The following NTSR1 variants were observed in gnomAD, a reference collection of about 807,000 sequenced individuals.
NTSR1 encodes neurotensin receptor 1, also known as neurotensin receptor type 1.
A neutral mutation model predicts 31.2 loss-of-function variants in NTSR1; 29 were observed. The ratio of observed to expected loss-of-function variants is 0.93; its 90% CI spans 0.69 to 1.27. The LOEUF (loss-of-function observed/expected upper bound fraction) is 1.27, where lower values mean the gene tolerates loss of function less well. NTSR1 is among the 50% of genes most tolerant of loss of function. The pLI, the probability that NTSR1 is intolerant of heterozygous loss-of-function variation, is 0.00. For synonymous variants in NTSR1, 282 were observed against 269.9 expected, an observed-to-expected ratio of 1.04 and a Z score of -0.44; for missense variants, 697 against 595.4, an observed-to-expected ratio of 1.17 and a Z score of -1.78.
At chr20:62,751,286 C>T (rs970336756) in intron 1 of NTSR1, among the ~76,000 whole-genome samples, 12 of 152,104 alleles carry the variant, frequency 7.9e-5, no homozygotes, top group Admixed American at 5.2e-4. Context: ...AGTAATGTTA[C>T]GGTTTTTGGT....
chr20:62,729,323 C>T (rs1056424954), intron 1 of NTSR1, among the ~76,000 whole-genome samples: 139 of 152,344 alleles, frequency 9.1e-4, no homozygotes, highest in Non-Finnish European at 1.6e-3. Flanking sequence ...TGGCTTCCAG[C>T]CCACTGGGGA....
At chr20:62,753,862 G>A (rs372503464) in intron 1 of NTSR1, among the ~76,000 whole-genome samples, 16 of 152,358 alleles carry the variant, frequency 1.1e-4, no homozygotes, top group African/African-American at 3.8e-4. Context: ...TGGTTGAGGA[G>A]GAGGCTAGGC....
At chr20:62,730,240 G>C (rs901868714) in intron 1 of NTSR1, among the ~76,000 whole-genome samples, 15 of 152,058 alleles carry the variant, frequency 9.9e-5, no homozygotes, top group African/African-American at 3.4e-4. Flanking sequence ...AAAATCCTTG[G>C]AGCTCCACCT....
rs1600716399 is a variant in NTSR1, at chr20:62,711,569, GA to G, written c.714+1649del. 1.2e-4 allele frequency among the ~76,000 whole-genome samples: 4 copies of G among 34,014 alleles called. No individual in the cohort carries two copies. Among genetic ancestry groups the G allele is most frequent in the Non-Finnish European group, 1.7e-4 (3 of 18,168 alleles). 22.3% of individuals were successfully genotyped at this position (34,014 alleles called of 152,430 possible). A position where few individuals can be genotyped will look rare whatever the true frequency, so the allele number is the denominator to read the frequency against. On this transcript the variant is annotated intron_variant, in intron 1 of 3. Transcript: ENST00000370501. This position sits in a 1 kb window ranked among gnomAD's most constrained non-coding sequence, Gnocchi z 6.4. ...CCCGGATCCCCCCACTCAGACCCCC[GA>G]TCCCCCCGCTCAGATCCCCGATCCC...
At chr20:62,724,010 C>G (rs6090453) in intron 1 of NTSR1, among the ~76,000 whole-genome samples, 61,192 of 152,102 alleles carry the variant, frequency 0.4, 13,897 homozygotes, top group East Asian at 0.72. Context: ...CTGTGTCTGC[C>G]CAGTGGCTTC....
chr20:62,709,509 T>G lies in NTSR1; in HGVS notation c.302T>G (p.Val101Gly), dbSNP rs929736569. 27 of 1,612,592 alleles carry G rather than the reference T, an allele frequency of 1.7e-5. No individual in the cohort carries two copies. The highest frequency in any genetic ancestry group is 2.3e-5 in the Non-Finnish European group (27 of 1,179,872). Residue 101 changes from valine (V) to glycine (G), a missense_variant, in exon 1 of 4, where the codon GTG (valine) becomes GGG (glycine). Transcript: ENST00000370501. The stretch of plus-strand genomic sequence containing the variant: ...TCGCTGCAGAGCCTGCAGAGCACGG[T>G]GCATTACCACCTGGGCAGCCTGGCG... ...KKSLQSLQST[V>G]HYHLGSLALS...
intron 1 of NTSR1, among the ~76,000 whole-genome samples, chr20:62,731,778 C>T (rs1189779014): frequency 6.6e-6 from 1 of 152,188 alleles, no homozygotes; most frequent in African/African-American, 2.4e-5. Context: ...CACTTCTGGG[C>T]TCTCTTTTCT....
chr20:62,710,806 G>A (rs1988595464), intron 1 of NTSR1, among the ~76,000 whole-genome samples: 1 of 152,190 alleles, frequency 6.6e-6, no homozygotes. Context: ...GGAAGTCAGG[G>A]CCGGTCGGGA....
chr20:62,738,250 C>A (rs1005652643), intron 1 of NTSR1, among the ~76,000 whole-genome samples: 1 of 152,144 alleles, frequency 6.6e-6, no homozygotes, highest in Non-Finnish European at 1.5e-5. Context: ...GCTAGATGGC[C>A]GGCCTGGATG....
At chr20:62,719,684 A>T (rs968506400) in intron 1 of NTSR1, among the ~76,000 whole-genome samples, 1 of 152,222 alleles carries the variant, frequency 6.6e-6, no homozygotes. Flanking sequence ...ACCTTGGTTA[A>T]TTCTTGAATG....
chr20:62,762,185 G>A lies in NTSR1; in HGVS notation c.*1918G>A, dbSNP rs1989637133. On this transcript the variant is annotated 3_prime_UTR_variant, in exon 4 of 4. Coordinates refer to ENST00000370501, the MANE Select transcript of NTSR1 (RefSeq NM_002531.3). ...GGCTCTGAACGAGGACCTGGACTCA[G>A]AGCCAGACAGGGCAGCCTCAGACCC... 1 of 152,290 alleles carries A rather than the reference G, an allele frequency of 6.6e-6. No homozygotes were observed. Among genetic ancestry groups the A allele is most frequent in the Non-Finnish European group, 1.5e-5 (1 of 68,068 alleles). 9.4% of individuals were successfully genotyped at this position (152,290 alleles called of 1,614,324 possible).
rs747155473 is a variant in NTSR1, at chr20:62,760,211, A to C, written c.1201A>C (p.Ser401Arg). The C allele has an allele frequency of 6.2e-7, 1 of 1,613,752 alleles. No homozygotes were observed. Among genetic ancestry groups the C allele is most frequent in the South Asian group, 1.1e-5 (1 of 91,080 alleles). ...KRPAFSRKAD[S>R]VSSNHTLSSN... ...GCCAGCCTTCTCGAGGAAGGCCGAC[A>C]GCGTGTCCAGCAACCACACCCTCTC... is the stretch of plus-strand genomic sequence containing the variant. The change falls in exon 4 of 4, where the codon AGC (serine) becomes CGC (arginine). Residue 401 changes from serine to arginine, a missense_variant. Ser to Arg is a moderately radical substitution (Grantham distance 110, BLOSUM62 -1). Coordinates refer to ENST00000370501, the MANE Select transcript of NTSR1 (RefSeq NM_002531.3).
rs962510634 is a variant in NTSR1 at position 62,715,603 on chromosome 20, T to A, written c.714+5682T>A. Among the ~76,000 whole-genome samples the A allele has an allele frequency of 6.6e-6, 1 of 152,244 alleles. No individual in the cohort carries two copies. Among genetic ancestry groups the A allele is most frequent in the Non-Finnish European group, 1.5e-5 (1 of 68,028 alleles). On this transcript the variant is annotated intron_variant, in intron 1 of 3. Coordinates refer to ENST00000370501, the MANE Select transcript of NTSR1 (RefSeq NM_002531.3). This position sits in a 1 kb window ranked among gnomAD's most constrained non-coding sequence, Gnocchi z 4.7. ...CCCAGAGTGGTTCAGGCTCACCTGTTCACAGCTCTGCATTGTGACCCGGGG... is the reference window on the plus strand; with the variant it reads ...CCCAGAGTGGTTCAGGCTCACCTGTACACAGCTCTGCATTGTGACCCGGGG...
At chr20:62,754,947 G>C (rs1989459470) in intron 2 of NTSR1, 61 bp downstream of exon 2, 1 of 1,453,358 alleles carries the variant, frequency 6.9e-7, no homozygotes, top group African/African-American at 1.4e-5. Flanking sequence ...AAGGCAGCGA[G>C]CGCTGAACCA....
rs575309847 is a variant in NTSR1, at chr20:62,759,900, G to T, written c.1008-118G>T. ...GTCCCCAAACAACCATTCTCAAGGG[G>T]TGTTTTAATTAGCGTCTGAGCCACC... On this transcript the variant is annotated intron_variant, in intron 3 of 3. Coordinates refer to ENST00000370501, the MANE Select transcript of NTSR1 (RefSeq NM_002531.3). 4.6e-4 allele frequency: 418 copies of T among 916,354 alleles called. 5 individuals are homozygous for T. The South Asian group carries it at 6.2e-3, about 14-fold the overall frequency. The allele number at this position is 916,354 out of a possible 1,614,324, so 56.8% of individuals were successfully genotyped here.
In NTSR1 at chr20:62,709,279, C is replaced by A. The variant is rs1043351430; in HGVS notation, c.72C>A (p.Ala24=). 6.3e-7 allele frequency: 1 copy of A among 1,577,422 alleles called. No individual in the cohort carries two copies. Residue 24 remains alanine (A), a synonymous_variant, in exon 1 of 4, where the codon GCC becomes GCA. Transcript: ENST00000370501. ...CCGACCCCTTCCAGCGGGCGCAGGC[C>A]GGACTGGAGGAGGCGCTGCTGGCCC... The part of the protein sequence containing the change: ...PAADPFQRAQ[A]GLEEALLAPG...
At chr20:62,723,700 C>A (rs1988860730) in intron 1 of NTSR1, among the ~76,000 whole-genome samples, 1 of 152,192 alleles carries the variant, frequency 6.6e-6, no homozygotes, top group African/African-American at 2.4e-5. Context: ...GGACAGAGGT[C>A]TTTCCAGCCC....
intron 1 of NTSR1, among the ~76,000 whole-genome samples, chr20:62,721,514 G>A (rs1321393672): frequency 2.0e-5 from 3 of 152,226 alleles, no homozygotes; most frequent in African/African-American, 4.8e-5. Flanking sequence ...CTGTCTGTCC[G>A]TGGTGGTTCC....
rs577505487 is a variant in NTSR1 at position 62,709,472 on chromosome 20, G to A, written c.265G>A (p.Ala89Thr). ...CAACACGGTGACGGCGTTCACGCTG[G>A]CGCGGAAGAAGTCGCTGCAGAGCCT... ...VGNTVTAFTL[A>T]RKKSLQSLQS... is the part of the protein sequence containing the mutation. Residue 89 changes from alanine to threonine, a missense_variant, in exon 1 of 4, where the codon GCG (alanine) becomes ACG (threonine). Physicochemically the swap from Ala to Thr is moderately conservative, Grantham distance 58. Coordinates refer to ENST00000370501, the MANE Select transcript of NTSR1 (RefSeq NM_002531.3). 8 of 1,612,638 alleles carry A rather than the reference G, an allele frequency of 5.0e-6. No homozygotes were observed. The East Asian group carries it at 6.7e-5, about 13-fold the overall frequency.
Sources: allele counts gnomAD v4.1 joint callset (sites outside exome capture counted in the v4.1 genomes callset), GRCh38; gene constraint gnomAD v4.1.1; non-coding constraint Gnocchi (gnomAD v3.1); transcripts MANE v1.5; gene names NCBI Gene and HGNC (gene_info 2026-07-23, HGNC 2026-07-21).